RNF212B: variants seen among roughly 807,000 people sequenced by gnomAD.
The protein encoded by RNF212B is E3 ubiquitin-protein ligase RNF212B.
RNF212B carries 52 observed loss-of-function variants against 55.5 expected under a neutral mutation model. That is an observed-to-expected ratio of 0.94 (90% CI 0.75 to 1.18). The LOEUF (loss-of-function observed/expected upper bound fraction) is 1.18, where lower values mean the gene tolerates loss of function less well. Ranked by LOEUF, RNF212B falls within the 50% of genes most tolerant of loss-of-function variation. The probability of loss-of-function intolerance (pLI) is 0.00; values close to 1 mark genes in which losing one functional copy is unlikely to be tolerated. For missense variants in RNF212B, 289 were observed against 350.4 expected (o/e 0.82, Z 1.40); for synonymous variants, 99 against 121.4 (o/e 0.82, Z 1.21).
intron 2 of RNF212B, among the ~76,000 whole-genome samples, chr14:23,222,969 G>T (rs142973527): frequency 4.3e-4 from 64 of 149,752 alleles, no homozygotes; most frequent in African/African-American, 1.5e-3. Context: ...CAGGAGAATC[G>T]CTTGAACCTG....
chr14:23,188,074 G>A (rs895004581), intron 1 of RNF212B: 1 of 152,226 alleles, frequency 6.6e-6, no homozygotes, highest in African/African-American at 2.4e-5. Context: ...AAAGGAAGTT[G>A]TGTCTTCTAG....
intron 2 of RNF212B, among the ~76,000 whole-genome samples, chr14:23,209,890 A>G (rs752272257): frequency 1.3e-5 from 2 of 152,162 alleles, no homozygotes; most frequent in Non-Finnish European, 2.9e-5. Flanking sequence ...AGGTGACTCA[A>G]ACCTGTAATC....
chr14:23,235,204 T>C (rs1471056532), upstream of RNF212B, among the ~76,000 whole-genome samples: 3 of 129,336 alleles, frequency 2.3e-5, no homozygotes, highest in Non-Finnish European at 4.9e-5. Flanking sequence ...AGAGCAATAC[T>C]CTGTCTCAGG....
At chr14:23,260,138 A>T (rs1476169089) in intron 6 of RNF212B, among the ~76,000 whole-genome samples, 194 bp downstream of exon 6, 1 of 152,206 alleles carries the variant, frequency 6.6e-6, no homozygotes, top group Non-Finnish European at 1.5e-5. Context: ...GGATCAATAT[A>T]TAGCACACTT....
intron 3 of RNF212B, 109 bp downstream of exon 3, chr14:23,243,417 C>A (rs566825657): frequency 2.8e-6 from 3 of 1,055,582 alleles, no homozygotes; most frequent in Admixed American, 4.5e-5. Flanking sequence ...AAAAGAAGAC[C>A]GGGCGTGGTG....
At chr14:23,238,207 A>T (rs1260233879) in intron 1 of RNF212B, among the ~76,000 whole-genome samples, 152 bp downstream of exon 1, 1 of 151,984 alleles carries the variant, frequency 6.6e-6, no homozygotes, top group Non-Finnish European at 1.5e-5. Flanking sequence ...AATTCAGGGG[A>T]TGACATTGTT....
chr14:23,253,816 C>A (rs936770982), intron 4 of RNF212B, among the ~76,000 whole-genome samples: 10 of 152,068 alleles, frequency 6.6e-5, no homozygotes, highest in African/African-American at 2.4e-4. Context: ...GGGAGTTTCA[C>A]AAAAGATAGA....
intron 2 of RNF212B, among the ~76,000 whole-genome samples, chr14:23,208,952 G>GT (rs1358534743): frequency 6.6e-6 from 1 of 151,052 alleles, no homozygotes; most frequent in East Asian, 1.9e-4. Flanking sequence ...TAGAGACGGG[G>GT]TTTCATCGTG....
At chr14:23,242,678 G>C (rs1883685548) in intron 2 of RNF212B, among the ~76,000 whole-genome samples, 2 of 152,168 alleles carry the variant, frequency 1.3e-5, no homozygotes, top group Admixed American at 1.3e-4. Flanking sequence ...TTTATAAAAA[G>C]ATGGGGCAGG....
chr14:23,260,050 C>T lies in RNF212B; in HGVS notation c.405+106C>T, dbSNP rs547268066. On this transcript the variant is annotated intron_variant, in intron 6 of 14. Transcript: ENST00000430154. Reference sequence around the variant, plus strand: ...TCCTAATCTTTTTCTCATCATGGCACACACAGAAATTGATATTTGTATAAC... The same window carrying T: ...TCCTAATCTTTTTCTCATCATGGCATACACAGAAATTGATATTTGTATAAC... The T allele has an allele frequency of 2.5e-4, 142 of 570,906 alleles. 2 individuals are homozygous for T. The South Asian group carries it at 3.8e-3, about 15-fold the overall frequency. The allele number at this position is 570,906 out of a possible 1,614,324, so 35.4% of individuals were successfully genotyped here.
intron 2 of RNF212B, among the ~76,000 whole-genome samples, chr14:23,229,611 T>G (rs1254580009): frequency 6.6e-6 from 1 of 152,134 alleles, no homozygotes; most frequent in Non-Finnish European, 1.5e-5. Context: ...CACTGTGGTT[T>G]TAATTTGCAT....
At chr14:23,254,359 G>T (rs764712490) in intron 4 of RNF212B, among the ~76,000 whole-genome samples, 1 of 151,668 alleles carries the variant, frequency 6.6e-6, no homozygotes, top group African/African-American at 2.4e-5. Flanking sequence ...CTAAAACTGG[G>T]CATGGTGGCT....
chr14:23,260,907 T>C (rs2140473239), intron 7 of RNF212B, among the ~76,000 whole-genome samples: 1 of 152,334 alleles, frequency 6.6e-6, no homozygotes, highest in East Asian at 1.9e-4. Context: ...GAAATGCTTG[T>C]TCCCTGGTGC....
intron 2 of RNF212B, among the ~76,000 whole-genome samples, chr14:23,199,460 C>T (rs1879066252): frequency 6.6e-6 from 1 of 152,162 alleles, no homozygotes. Context: ...TAAGCAGTTC[C>T]CAGCTTGACT....
intron 2 of RNF212B, among the ~76,000 whole-genome samples, chr14:23,213,249 C>G (rs1218017095): frequency 2.0e-5 from 3 of 151,440 alleles, no homozygotes; most frequent in Non-Finnish European, 4.4e-5. Context: ...TGAGGCGGAG[C>G]TTGCAGTGAG....
rs1389663852 is a variant in RNF212B at position 23,263,086 on chromosome 14, C to G, written c.524+116C>G. The G allele has an allele frequency of 5.4e-6, 5 of 926,998 alleles. No individual in the cohort carries two copies. In the East Asian group the frequency reaches 1.4e-4, roughly 25 times the overall value. The allele number at this position is 926,998 out of a possible 1,614,324, so 57.4% of individuals were successfully genotyped here. A position where few individuals can be genotyped will look rare whatever the true frequency, so the allele number is the denominator to read the frequency against. ...TTTAGGTCTATGTAGAAGTTTAAAG[C>G]TAGGGTTTTTTTTTTTCCCTAAGCC... On this transcript the variant is annotated intron_variant, in intron 9 of 14. Coordinates refer to ENST00000430154, the MANE Select transcript of RNF212B (RefSeq NM_001282322.3).
intron 11 of RNF212B, 45 bp downstream of exon 11, chr14:23,264,716 C>T: frequency 6.0e-6 from 7 of 1,164,660 alleles, no homozygotes; most frequent in African/African-American, 3.2e-5. Context: ...TTACTCTATG[C>T]GAAGATCTGC....
At chr14:23,246,600 A>C (rs1594927914) in intron 4 of RNF212B, among the ~76,000 whole-genome samples, 1 of 152,094 alleles carries the variant, frequency 6.6e-6, no homozygotes, top group Admixed American at 6.6e-5. Context: ...TTAAAAAAAA[A>C]CAAACAAAAA....
intron 1 of RNF212B, among the ~76,000 whole-genome samples, chr14:23,191,407 C>T (rs1878111543): frequency 6.6e-6 from 1 of 150,612 alleles, no homozygotes; most frequent in Non-Finnish European, 1.5e-5. Context: ...CTGTACCTTG[C>T]CTTTTATAAT....
Sources: allele counts gnomAD v4.1 joint callset (sites outside exome capture counted in the v4.1 genomes callset), GRCh38; gene constraint gnomAD v4.1.1; transcripts MANE v1.5; gene names NCBI Gene and HGNC (gene_info 2026-07-23, HGNC 2026-07-21).